The following PARP16 variants were observed in gnomAD, a reference collection of about 807,000 sequenced individuals.
The protein encoded by PARP16 is poly(ADP-ribose) polymerase family member 16, also known as protein mono-ADP-ribosyltransferase PARP16.
PARP16 carries 31 observed loss-of-function variants against 35.0 expected under a neutral mutation model. That is an observed-to-expected ratio of 0.88 (90% confidence interval 0.66 to 1.19). The LOEUF (loss-of-function observed/expected upper bound fraction) is 1.19. Ranked by LOEUF, PARP16 falls within the 50% of genes most tolerant of loss-of-function variation. The pLI is 0.00. For missense variants in PARP16, 424 were observed against 411.2 expected (o/e 1.03, Z -0.27); for synonymous variants, 162 against 169.5 (o/e 0.96, Z 0.34).
intron 2 of PARP16, among the ~76,000 whole-genome samples, chr15:65,252,407 T>A (rs1019616039): frequency 6.6e-6 from 1 of 152,218 alleles, no homozygotes; most frequent in Non-Finnish European, 1.5e-5. Flanking sequence ...AGGCAATATA[T>A]TATGGGCTCA....
chr15:65,263,284 C>A lies in PARP16; in HGVS notation c.556G>T (p.Asp186Tyr). The A allele has an allele frequency of 1.2e-6, 2 of 1,609,812 alleles. No individual in the cohort carries two copies. Among genetic ancestry groups the A allele is most frequent in the South Asian group, 2.2e-5 (2 of 90,704 alleles). The change falls in exon 4 of 6, where the codon GAC becomes TAC. Residue 186 changes from aspartate (D) to tyrosine (Y), a missense_variant. Asp to Tyr is a radical substitution (Grantham distance 160). Coordinates refer to ENST00000649807, the MANE Select transcript of PARP16 (RefSeq NM_001316943.2). ...LFGEGTYLTS[D>Y]LSLALIYSPH... ...CTGTATATGAGGGCCAGGCTCAAGT[C>A]ACTGGTGAGGTAGGTCCCCTCTCCG...
intron 3 of PARP16, among the ~76,000 whole-genome samples, chr15:65,242,671 T>C (rs1162385527): frequency 6.6e-6 from 1 of 152,206 alleles, no homozygotes; most frequent in African/African-American, 2.4e-5. Context: ...TATATTAATC[T>C]TGTATCCTGC....
chr15:65,251,420 A>G (rs183707888), intron 2 of PARP16, among the ~76,000 whole-genome samples: 36 of 152,334 alleles, frequency 2.4e-4, no homozygotes, highest in Admixed American at 2.1e-3. Flanking sequence ...AAAGGAATGT[A>G]TTTATTGGTC....
At chr15:65,239,955 C>CTTTGTTTTTTTTTTTTTT (rs2089005326) in intron 3 of PARP16, among the ~76,000 whole-genome samples, 1 of 81,750 alleles carries the variant, frequency 1.2e-5, no homozygotes, top group Non-Finnish European at 2.1e-5. Flanking sequence ...CGCGTCTGAC[C>CTTTGTTTTTTTTTTTTTT]TTTTTTTTTT....
chr15:65,254,661 T>C (rs983580450), downstream of PARP16, among the ~76,000 whole-genome samples: 2 of 152,078 alleles, frequency 1.3e-5, no homozygotes, highest in Admixed American at 6.6e-5. Flanking sequence ...AGAATCACCA[T>C]GGCAACGGGA....
At chr15:65,237,238 C>T (rs78631728) in intron 3 of PARP16, among the ~76,000 whole-genome samples, 2,132 of 152,118 alleles carry the variant, frequency 0.014, 45 homozygotes, top group African/African-American at 0.043. Context: ...TCAGGCTGAG[C>T]ACCCTACACT....
At chr15:65,246,310 T>G (rs578226960) in intron 3 of PARP16, among the ~76,000 whole-genome samples, 1 of 152,258 alleles carries the variant, frequency 6.6e-6, no homozygotes, top group African/African-American at 2.4e-5. Context: ...AGGCACTATC[T>G]CCGGACCGCC....
At chr15:65,276,689 T>C (rs2090267812) in intron 1 of PARP16, among the ~76,000 whole-genome samples, 1 of 152,092 alleles carries the variant, frequency 6.6e-6, no homozygotes, top group Non-Finnish European at 1.5e-5. Flanking sequence ...TTAGTATAAA[T>C]AACCCATGCA....
downstream of PARP16, among the ~76,000 whole-genome samples, chr15:65,232,545 G>T (rs767094710): frequency 7.2e-4 from 110 of 152,058 alleles, 1 homozygote; most frequent in African/African-American, 2.6e-3. Context: ...CACACCACTG[G>T]TTCTCTCTAA....
downstream of PARP16, among the ~76,000 whole-genome samples, chr15:65,256,593 G>C (rs2089517182): frequency 6.6e-6 from 1 of 151,900 alleles, no homozygotes; most frequent in Non-Finnish European, 1.5e-5. Flanking sequence ...ATTTTTAGTA[G>C]AGACGGGGTT....
intron 2 of PARP16, among the ~76,000 whole-genome samples, chr15:65,249,183 T>C (rs2089290337): frequency 6.6e-6 from 1 of 152,238 alleles, no homozygotes; most frequent in Admixed American, 6.5e-5. Flanking sequence ...GCTGTGGGAA[T>C]TAAAGGCCAG....
chr15:65,262,512 G>A (rs1030773388), intron 4 of PARP16, among the ~76,000 whole-genome samples: 2 of 152,160 alleles, frequency 1.3e-5, no homozygotes, highest in African/African-American at 4.8e-5. Context: ...AATGGTGGGG[G>A]GAGACAAGGC....
rs1205661917 is a variant in PARP16 at position 65,273,280 on chromosome 15, A to AAAAAAAAAAG, written c.175-2209_175-2208insCTTTTTTTTT. On this transcript the variant is annotated intron_variant, in intron 1 of 5. Coordinates refer to ENST00000649807, the MANE Select transcript of PARP16 (RefSeq NM_001316943.2). ...TGACAGAGAGAGACTCTGTCTCAAA[A>AAAAAAAAAAG]AAAAAAAAAAAAAAGAATACCTGTG... Among the ~76,000 whole-genome samples the AAAAAAAAAAG allele has an allele frequency of 3.4e-5, 5 of 148,096 alleles. 1 individual carries two copies. In the East Asian group the frequency reaches 9.8e-4, roughly 29 times the overall value.
At chr15:65,269,283 G>A (rs1046459638) in intron 2 of PARP16, among the ~76,000 whole-genome samples, 3 of 150,850 alleles carry the variant, frequency 2.0e-5, no homozygotes, top group Non-Finnish European at 3.0e-5. Flanking sequence ...TGCAACTTCC[G>A]CCTCCCGGCT....
At chr15:65,256,439 GCT>G (rs2089511699), downstream of PARP16, among the ~76,000 whole-genome samples, 1 of 126,034 alleles carries the variant, frequency 7.9e-6, no homozygotes, top group African/African-American at 3.0e-5. Flanking sequence ...ATGGAGTCTC[GCT>G]CTGTCACCCA....
chr15:65,250,669 T>G (rs1305291823), intron 2 of PARP16, among the ~76,000 whole-genome samples: 1 of 152,172 alleles, frequency 6.6e-6, no homozygotes, highest in Non-Finnish European at 1.5e-5. Flanking sequence ...ATCTCTGGTC[T>G]TCCTGAGGGC....
intron 1 of PARP16, among the ~76,000 whole-genome samples, chr15:65,273,770 GGAGGCT>G (rs1401394155): frequency 6.6e-6 from 1 of 151,776 alleles, no homozygotes; most frequent in Non-Finnish European, 1.5e-5. Flanking sequence ...CAGCTACTCG[GGAGGCT>G]GAGGCAGGAA....
At chr15:65,233,911 T>TA (rs1297776287), downstream of PARP16, among the ~76,000 whole-genome samples, 6 of 152,252 alleles carry the variant, frequency 3.9e-5, no homozygotes, top group Admixed American at 2.6e-4. Context: ...ATCAGTGCAG[T>TA]AAAAAAATTT....
chr15:65,266,812 T>C, intron 2 of PARP16, 44 bp from the exon 3 acceptor site: 1 of 1,427,180 alleles, frequency 7.0e-7, no homozygotes, highest in Non-Finnish European at 9.8e-7. Flanking sequence ...GGGGAGCTGG[T>C]AAATGTGCTG....
Sources: gnomAD v4.1 joint callset for allele counts (sites outside exome capture counted in the v4.1 genomes callset) on GRCh38, gnomAD v4.1.1 for gene constraint, MANE v1.5 for transcripts, NCBI Gene and HGNC (gene_info 2026-07-23, HGNC 2026-07-21) for gene names.